The following DRC4 variants were observed in gnomAD, a reference collection of about 807,000 sequenced individuals.
DRC4 encodes dynein regulatory complex subunit 4.
chr16:90,031,457 G>C, the DRC4 span: 2 of 1,595,944 alleles, frequency 1.3e-6, no homozygotes, highest in East Asian at 2.3e-5. Flanking sequence ...AAGACCGGGA[G>C]ATGGAAGAAG....
At chr16:90,019,996 C>T in the DRC4 span, 5 of 699,076 alleles carry the variant, frequency 7.2e-6, no homozygotes, top group Admixed American at 1.0e-4. The surrounding 1 kb of genome is among the most constrained non-coding windows in gnomAD (Gnocchi z 6.1). Flanking sequence ...CTGCAGAGAG[C>T]GCCAAGGCAG....
chr16:90,019,833 G>T, the DRC4 span: 1 of 688,588 alleles, frequency 1.5e-6, no homozygotes, highest in Non-Finnish European at 2.6e-6. The surrounding 1 kb of genome is among the most constrained non-coding windows in gnomAD (Gnocchi z 6.1). Context: ...GGCACAGGAG[G>T]GGCCTGACTC....
At chr16:90,042,595 T>C in the DRC4 span, 1 of 1,451,664 alleles carries the variant, frequency 6.9e-7, no homozygotes, top group East Asian at 2.3e-5. Flanking sequence ...CTGTTCTAAA[T>C]GCAGACGGTC....
At chr16:90,040,110 G>T in the DRC4 span, 1 of 625,160 alleles carries the variant, frequency 1.6e-6, no homozygotes, top group Non-Finnish European at 2.9e-6. Context: ...GCCTTCCACT[G>T]CGTGGATGGC....
the DRC4 span, chr16:90,036,504 G>A: frequency 6.8e-6 from 11 of 1,613,652 alleles, no homozygotes; most frequent in East Asian, 8.9e-5. Flanking sequence ...CTGATGCAGC[G>A]CCACGAGGAG....
At chr16:90,037,209 C>G in the DRC4 span, 1 of 1,585,038 alleles carries the variant, frequency 6.3e-7, no homozygotes, top group Non-Finnish European at 8.6e-7. Context: ...GAGCCCCTGC[C>G]GGGCCTGTGC....
At chr16:90,042,195 C>T in the DRC4 span, 18 of 515,432 alleles carry the variant, frequency 3.5e-5, no homozygotes, top group Admixed American at 9.1e-5. Context: ...CTTGGCCTCC[C>T]ACACTGCTGG....
chr16:90,028,342 G>A, the DRC4 span, among the ~76,000 whole-genome samples: 3 of 151,532 alleles, frequency 2.0e-5, no homozygotes, highest in East Asian at 1.9e-4. Context: ...CTGCCACCAC[G>A]CCTGGCTAAT....
the DRC4 span, chr16:90,019,829 G>A: frequency 2.9e-6 from 2 of 689,380 alleles, no homozygotes; most frequent in African/African-American, 3.5e-5. This position sits in a 1 kb window ranked among gnomAD's most constrained non-coding sequence, Gnocchi z 6.1. Flanking sequence ...GAGGGGCACA[G>A]GAGGGGCCTG....
At chr16:90,039,430 G>C in the DRC4 span, among the ~76,000 whole-genome samples, 1 of 151,932 alleles carries the variant, frequency 6.6e-6, no homozygotes, top group Non-Finnish European at 1.5e-5. Flanking sequence ...TTGTTGCCCA[G>C]GCTGGAGTAC....
chr16:90,031,416 C>G, the DRC4 span: 1 of 1,613,342 alleles, frequency 6.2e-7, no homozygotes, highest in Non-Finnish European at 8.5e-7. Flanking sequence ...ACGGAGGCAG[C>G]TGGAGGAGAA....
chr16:90,043,413 C>A, the DRC4 span: 1 of 1,417,654 alleles, frequency 7.1e-7, no homozygotes, highest in South Asian at 1.3e-5. Flanking sequence ...CCCCTTATCA[C>A]ACCAAGGACA....
At chr16:90,025,997 T>C in the DRC4 span, among the ~76,000 whole-genome samples, 2 of 152,102 alleles carry the variant, frequency 1.3e-5, no homozygotes, top group African/African-American at 2.4e-5. Context: ...TGAACTCCTG[T>C]GGTCCCAGCT....
chr16:90,044,581 G>A, the DRC4 span: 1 of 471,132 alleles, frequency 2.1e-6, no homozygotes, highest in Non-Finnish European at 4.4e-6. Flanking sequence ...GTAGGTGCCT[G>A]CCTTCATCTG....
chr16:90,043,099 C>A, the DRC4 span: 3 of 1,374,972 alleles, frequency 2.2e-6, no homozygotes, highest in Non-Finnish European at 2.0e-6. Context: ...CCTTCTGCAC[C>A]GTGATGCTCA....
At chr16:90,037,662 G>A in the DRC4 span, 25 of 1,204,154 alleles carry the variant, frequency 2.1e-5, no homozygotes, top group African/African-American at 3.3e-4. Context: ...GGTCTTTCTG[G>A]CGATTATTTT....
chr16:90,021,667 G>A, the DRC4 span, among the ~76,000 whole-genome samples: 1 of 151,812 alleles, frequency 6.6e-6, no homozygotes, highest in Admixed American at 6.6e-5. Flanking sequence ...AGGAGTTTGA[G>A]ACCACTCTGG....
the DRC4 span, among the ~76,000 whole-genome samples, chr16:90,026,719 T>A: frequency 6.6e-6 from 1 of 152,118 alleles, no homozygotes; most frequent in East Asian, 1.9e-4. Flanking sequence ...GGTCTCGTTC[T>A]ACTGCCCAGG....
the DRC4 span, chr16:90,027,585 C>G: frequency 1.4e-5 from 22 of 1,580,052 alleles, no homozygotes; most frequent in Non-Finnish European, 1.8e-5. Context: ...CAGAGCCAGC[C>G]AAGAAGGGGA....
Sources: allele counts gnomAD v4.1 joint callset (sites outside exome capture counted in the v4.1 genomes callset), GRCh38; gene constraint gnomAD v4.1.1; non-coding constraint Gnocchi (gnomAD v3.1); transcripts MANE v1.5; gene names NCBI Gene and HGNC (gene_info 2026-07-23, HGNC 2026-07-21).